The following ACAP2 variants were observed in gnomAD, a reference collection of about 807,000 sequenced individuals.
The protein encoded by ACAP2 is ArfGAP with coiled-coil, ankyrin repeat and PH domains 2.
ACAP2 carries 39 observed loss-of-function variants against 115.8 expected under a neutral mutation model. The ratio of observed to expected loss-of-function variants is 0.34; its 90% CI spans 0.26 to 0.44. The LOEUF (loss-of-function observed/expected upper bound fraction) is 0.44. ACAP2 is among the 20% of genes least tolerant of loss of function. The pLI, the probability that ACAP2 is intolerant of heterozygous loss-of-function variation, is 1.00. For synonymous variants in ACAP2, 289 were observed against 315.8 expected, an observed-to-expected ratio of 0.92 and a Z score of 0.90; for missense variants, 662 against 927.6, an observed-to-expected ratio of 0.71 and a Z score of 3.72.
chr3:195,377,456 A>C (rs1048926566), intron 4 of ACAP2, among the ~76,000 whole-genome samples: 1 of 152,072 alleles, frequency 6.6e-6, no homozygotes, highest in Non-Finnish European at 1.5e-5. Flanking sequence ...ACAGAGGAGG[A>C]ATGTAAATGT....
intron 1 of ACAP2, among the ~76,000 whole-genome samples, chr3:195,441,014 G>A (rs1236610739): frequency 6.6e-6 from 1 of 151,876 alleles, no homozygotes; most frequent in Non-Finnish European, 1.5e-5. Context: ...AACTTAATCA[G>A]TATGTTGCCC....
intron 2 of ACAP2, among the ~76,000 whole-genome samples, chr3:195,391,686 T>C (rs531954456): frequency 2.6e-4 from 39 of 152,206 alleles, no homozygotes; most frequent in Non-Finnish European, 2.9e-5. Context: ...TAATAGCATT[T>C]ACCCTCATAG....
intron 1 of ACAP2, among the ~76,000 whole-genome samples, chr3:195,436,560 G>A (rs1382359180): frequency 6.6e-6 from 1 of 152,024 alleles, no homozygotes; most frequent in African/African-American, 2.4e-5. Flanking sequence ...ACCTATTTAT[G>A]TCCTTAAATC....
intron 10 of ACAP2, among the ~76,000 whole-genome samples, chr3:195,316,862 A>G (rs1270008653): frequency 6.6e-6 from 1 of 151,396 alleles, no homozygotes; most frequent in Non-Finnish European, 1.5e-5. Flanking sequence ...GAAATGCTCA[A>G]TAAATCACTG....
At chr3:195,382,643 A>G (rs544801344) in intron 2 of ACAP2, among the ~76,000 whole-genome samples, 26 of 152,136 alleles carry the variant, frequency 1.7e-4, no homozygotes, top group Non-Finnish European at 3.7e-4. Flanking sequence ...CAAAGGAGAG[A>G]AAAGTACTAA....
At chr3:195,411,063 C>A in intron 1 of ACAP2, 2 of 307,282 alleles carry the variant, frequency 6.5e-6, no homozygotes, top group Non-Finnish European at 1.3e-5. Context: ...TGCTATTCTG[C>A]CATCGATGCA....
intron 8 of ACAP2, among the ~76,000 whole-genome samples, chr3:195,328,953 G>A (rs1482900747): frequency 1.3e-5 from 2 of 151,986 alleles, no homozygotes; most frequent in African/African-American, 4.8e-5. Flanking sequence ...GGTGGCGGGC[G>A]CCTGTGGTCC....
chr3:195,341,275 G>C (rs1371416057), intron 6 of ACAP2, among the ~76,000 whole-genome samples: 1 of 149,496 alleles, frequency 6.7e-6, no homozygotes, highest in Non-Finnish European at 1.5e-5. Flanking sequence ...ACCAAATACA[G>C]ATTTCTAGTT....
intron 1 of ACAP2, among the ~76,000 whole-genome samples, chr3:195,411,650 A>T (rs773888204): frequency 2.6e-5 from 4 of 152,230 alleles, no homozygotes; most frequent in Non-Finnish European, 5.9e-5. Context: ...TAACTGGCAT[A>T]TTCCTAGTAC....
At chr3:195,302,260 C>A in intron 13 of ACAP2, 86 bp from the exon 14 acceptor site, 1 of 1,239,298 alleles carries the variant, frequency 8.1e-7, no homozygotes, top group Non-Finnish European at 1.1e-6. Context: ...ACTAAAGCTT[C>A]CAATCAATAA....
At chr3:195,346,746 T>G (rs145178782) in intron 4 of ACAP2, among the ~76,000 whole-genome samples, 2 of 152,288 alleles carry the variant, frequency 1.3e-5, no homozygotes, top group African/African-American at 4.8e-5. Context: ...CATTCCTAAT[T>G]GCCAAAATAT....
Position 195,295,770 on chromosome 3 carries a change from T to G in ACAP2, c.1610A>C (p.Lys537Thr). Residue 537 changes from lysine to threonine, a missense_variant, in exon 17 of 23, where the codon AAG becomes ACG. Around this residue, in one of 3 missense-constraint regions of ACAP2, gnomAD observed 133 missense variants for 123.1 expected, o/e 1.08. Coordinates refer to ENST00000326793, the MANE Select transcript of ACAP2 (RefSeq NM_012287.6). ...CCCAAATTTAGAAATGCTCAGCCTCTTTTCTTCAGAACTTTTAGAGACAAA... is the reference window on the plus strand; with the variant it reads ...CCCAAATTTAGAAATGCTCAGCCTCGTTTCTTCAGAACTTTTAGAGACAAA... ...KKFVSKSSEE[K>T]RLSISKFGPG... 6.2e-7 allele frequency: 1 copy of G among 1,614,146 alleles called. No homozygotes were observed. The highest frequency in any genetic ancestry group is 8.5e-7 in the Non-Finnish European group (1 of 1,180,002).
At chr3:195,286,106 T>G (rs1458969738) in intron 21 of ACAP2, among the ~76,000 whole-genome samples, 1 of 152,170 alleles carries the variant, frequency 6.6e-6, no homozygotes, top group Non-Finnish European at 1.5e-5. Context: ...TGCAGCAGCA[T>G]CCCCGCAATA....
At position 195,396,236 on chromosome 3, in the gene ACAP2, A is replaced by G. The variant is rs1461258552; in HGVS notation, c.54-4089T>C. ...ACTGCACTCCAGCCTGGGACACAAG[A>G]GCAAAACTCCATCTCAAAAAAAAAC... On this transcript the variant is annotated intron_variant, in intron 1 of 22. Transcript: ENST00000326793. 2.0e-5 allele frequency among the ~76,000 whole-genome samples: 3 copies of G among 151,600 alleles called. 1 individual carries two copies. Among genetic ancestry groups the G allele is most frequent in the Admixed American group, 6.6e-5 (1 of 15,220 alleles).
At chr3:195,328,014 C>T (rs1729913855) in intron 8 of ACAP2, among the ~76,000 whole-genome samples, 1 of 151,892 alleles carries the variant, frequency 6.6e-6, no homozygotes, top group African/African-American at 2.4e-5. Flanking sequence ...GGATATCCAT[C>T]ATGAGGGAAG....
chr3:195,291,900 C>A (rs951651890), intron 19 of ACAP2, 85 bp from the exon 20 acceptor site: 1 of 1,167,376 alleles, frequency 8.6e-7, no homozygotes, highest in East Asian at 2.7e-5. Flanking sequence ...AATTGGTTTT[C>A]GTTACTCAAA....
chr3:195,374,370 C>A (rs1733375228), intron 4 of ACAP2, among the ~76,000 whole-genome samples: 1 of 152,122 alleles, frequency 6.6e-6, no homozygotes, highest in Non-Finnish European at 1.5e-5. Context: ...AGCCTGGGGG[C>A]TGATCGAGAC....
intron 18 of ACAP2, among the ~76,000 whole-genome samples, chr3:195,293,687 C>T (rs1254081879): frequency 2.0e-5 from 3 of 151,926 alleles, no homozygotes; most frequent in East Asian, 1.9e-4. Context: ...ACTAAAAATA[C>T]AAAAATTAGC....
chr3:195,341,074 C>A (rs1298199713), intron 6 of ACAP2, among the ~76,000 whole-genome samples: 1 of 152,102 alleles, frequency 6.6e-6, no homozygotes, highest in Non-Finnish European at 1.5e-5. Context: ...AGGACAACCA[C>A]TATTGTTTTG....
Sources: gnomAD v4.1 joint callset for allele counts (sites outside exome capture counted in the v4.1 genomes callset) on GRCh38, gnomAD v4.1.1 for gene constraint, gnomAD v4.1.1 regional missense constraint, MANE v1.5 for transcripts, NCBI Gene and HGNC (gene_info 2026-07-23, HGNC 2026-07-21) for gene names.